Variants in RIC8B observed in about 807,000 individuals in gnomAD.
RIC8B encodes RIC8 guanine nucleotide exchange factor B, also known as chaperone Ric-8B.
A neutral mutation model predicts 57.5 loss-of-function variants in RIC8B; 16 were observed. The ratio of observed to expected loss-of-function variants is 0.28; its 90% CI spans 0.19 to 0.42. RIC8B has a LOEUF of 0.42. Ranked by LOEUF, RIC8B falls within the 10% of genes least tolerant of loss-of-function variation. RIC8B has a pLI of 1.00. For missense variants in RIC8B, 481 were observed against 677.0 expected, an observed-to-expected ratio of 0.71 and a Z score of 3.21; for synonymous variants, 216 against 250.8, an observed-to-expected ratio of 0.86 and a Z score of 1.31.
In RIC8B at chr12:106,781,104, A is replaced by G. The variant is rs564769334; in HGVS notation, c.85-2893A>G. On this transcript the variant is annotated intron_variant, in intron 1 of 9. Coordinates refer to ENST00000392837, the MANE Select transcript of RIC8B (RefSeq NM_001330145.2). ...TGAGCTGTTAGCTTGCTTGATCTCT[A>G]AATTGAACAATGGTTTAACTCTTTT... Among the ~76,000 whole-genome samples, 5 of 152,192 alleles carry G rather than the reference A, an allele frequency of 3.3e-5. No individual in the cohort carries two copies. The East Asian group carries it at 9.7e-4, about 29-fold the overall frequency.
rs1018970818 is a variant in RIC8B at position 106,774,701 on chromosome 12, G to C, written c.-45G>C. 5.4e-6 allele frequency: 8 copies of C among 1,491,412 alleles called. No homozygotes were observed. Among genetic ancestry groups the C allele is most frequent in the Non-Finnish European group, 7.3e-6 (8 of 1,102,930 alleles). The allele number at this position is 1,491,412 out of a possible 1,614,324, so 92.4% of individuals were successfully genotyped here. ...CGCGAGGCGTTTACCTGGAGGCAGC[G>C]GCTTGGGCGCGCAGAGCGGCCGCGG... On this transcript the variant is annotated 5_prime_UTR_variant, in exon 1 of 10. Transcript: ENST00000392837.
intron 3 of RIC8B, among the ~76,000 whole-genome samples, chr12:106,816,261 A>C (rs2045571365): frequency 6.6e-6 from 1 of 152,228 alleles, no homozygotes. Context: ...CTCACCCATG[A>C]GTAAAGATCT....
At chr12:106,806,874 A>C (rs983056690) in intron 2 of RIC8B, among the ~76,000 whole-genome samples, 2 of 152,212 alleles carry the variant, frequency 1.3e-5, no homozygotes, top group African/African-American at 4.8e-5. Context: ...TATAGAAAGC[A>C]TAGATAACCC....
At chr12:106,872,181 A>G (rs1312644700) in intron 9 of RIC8B, among the ~76,000 whole-genome samples, 1 of 152,200 alleles carries the variant, frequency 6.6e-6, no homozygotes. Flanking sequence ...CATTCTCCAT[A>G]CCTTTGTATA....
intron 2 of RIC8B, among the ~76,000 whole-genome samples, chr12:106,808,819 A>G (rs1304538819): frequency 6.6e-6 from 1 of 152,208 alleles, no homozygotes; most frequent in Non-Finnish European, 1.5e-5. Flanking sequence ...CATTTTCTTT[A>G]TGTATAAAAT....
At position 106,798,177 on chromosome 12, in the gene RIC8B, T is replaced by A. The variant is rs556906608; in HGVS notation, c.132+14133T>A. On this transcript the variant is annotated intron_variant, in intron 2 of 9. Transcript: ENST00000392837. ...TTTGATGCCTCGGATTCATTTTTTG[T>A]TGTCAAAAATGTAAGGTTTCCTTTT... is the stretch of plus-strand genomic sequence containing the variant. 7.5e-6 allele frequency: 4 copies of A among 533,320 alleles called. No homozygotes were observed. In the African/African-American group the frequency reaches 7.9e-5, roughly 11 times the overall value. 33.0% of individuals were successfully genotyped at this position (533,320 alleles called of 1,614,324 possible).
In RIC8B at chr12:106,879,053, C is replaced by G. The variant is rs1950802729; in HGVS notation, c.1572-6851C>G. 2.0e-6 allele frequency: 2 copies of G among 985,494 alleles called. No homozygotes were observed. Among genetic ancestry groups the G allele is most frequent in the Non-Finnish European group, 2.4e-6 (2 of 829,888 alleles). 61.0% of individuals were successfully genotyped at this position (985,494 alleles called of 1,614,324 possible). A position where few individuals can be genotyped will look rare whatever the true frequency, so the allele number is the denominator to read the frequency against. The stretch of plus-strand genomic sequence containing the variant: ...CACAGAGCAGACAAGAAAGAAGAGC[C>G]CTTGAAAACAAGGGAATGATTTTTG... On this transcript the variant is annotated intron_variant, in intron 9 of 9. Transcript: ENST00000392837. The surrounding 1 kb of genome is among the most constrained non-coding windows in gnomAD (Gnocchi z 4.9).
chr12:106,778,230 C>T (rs933436495), intron 1 of RIC8B, among the ~76,000 whole-genome samples: 2 of 152,138 alleles, frequency 1.3e-5, no homozygotes, highest in African/African-American at 2.4e-5. Flanking sequence ...TACCTTGTAC[C>T]GCTTTTAGAG....
In RIC8B at chr12:106,886,242, G is replaced by GA. The variant is rs975429086; in HGVS notation, c.*235dup. 19 of 436,652 alleles carry GA rather than the reference G, an allele frequency of 4.4e-5. No homozygotes were observed. Among genetic ancestry groups the GA allele is most frequent in the African/African-American group, 8.1e-5 (4 of 49,284 alleles). The allele number at this position is 436,652 out of a possible 1,614,324, so 27.0% of individuals were successfully genotyped here. ...GACGGGGTTACGGGGGCTAAAAGCA[G>GA]AAAAAAAATTCCATTTCATCGGGAT... On this transcript the variant is annotated 3_prime_UTR_variant, in exon 10 of 10. Transcript: ENST00000392837.
intron 2 of RIC8B, among the ~76,000 whole-genome samples, chr12:106,784,552 G>T (rs550035441): frequency 6.6e-6 from 1 of 152,058 alleles, no homozygotes. Flanking sequence ...TAGAGACAGG[G>T]TCTCATCATG....
intron 6 of RIC8B, among the ~76,000 whole-genome samples, chr12:106,847,256 C>A (rs1178967641): frequency 6.6e-6 from 1 of 152,138 alleles, no homozygotes; most frequent in Non-Finnish European, 1.5e-5. Context: ...GGGGGAAATA[C>A]ATAGGCAGTT....
At chr12:106,848,903 T>C (rs1274894163) in intron 6 of RIC8B, among the ~76,000 whole-genome samples, 1 of 152,112 alleles carries the variant, frequency 6.6e-6, no homozygotes, top group Non-Finnish European at 1.5e-5. Flanking sequence ...TGTAAAATTA[T>C]TAAGTTCAAG....
intron 4 of RIC8B, among the ~76,000 whole-genome samples, chr12:106,837,648 T>TC (rs917857740): frequency 6.7e-6 from 1 of 148,498 alleles, no homozygotes; most frequent in Non-Finnish European, 1.5e-5. Context: ...TGTTTTTTTT[T>TC]TTTTTTTTTT....
intron 6 of RIC8B, among the ~76,000 whole-genome samples, chr12:106,847,340 A>G (rs766649959): frequency 4.6e-4 from 70 of 152,232 alleles, no homozygotes; most frequent in Admixed American, 1.8e-3. Flanking sequence ...TGTAGCTAAC[A>G]AAATTTTTAC....
intron 8 of RIC8B, among the ~76,000 whole-genome samples, chr12:106,862,714 C>T (rs1463361569): frequency 6.6e-6 from 1 of 152,044 alleles, no homozygotes; most frequent in Non-Finnish European, 1.5e-5. Flanking sequence ...GGCTCTAGTC[C>T]CATTGTCAAA....
At chr12:106,807,144 G>GT (rs1285918465) in intron 2 of RIC8B, among the ~76,000 whole-genome samples, 1 of 152,144 alleles carries the variant, frequency 6.6e-6, no homozygotes, top group East Asian at 1.9e-4. Flanking sequence ...TACCACTCTA[G>GT]TTGAAACTAT....
At chr12:106,872,726 A>G (rs558443406) in intron 9 of RIC8B, among the ~76,000 whole-genome samples, 5 of 152,102 alleles carry the variant, frequency 3.3e-5, no homozygotes, top group African/African-American at 4.8e-5. Flanking sequence ...CTGGAGAGGA[A>G]AGGTTAGCAA....
intron 3 of RIC8B, among the ~76,000 whole-genome samples, chr12:106,820,325 C>T (rs945571181): frequency 3.9e-5 from 6 of 152,172 alleles, no homozygotes; most frequent in Non-Finnish European, 7.3e-5. Flanking sequence ...AGTTTGCTTT[C>T]CATTCAGTGG....
In RIC8B at chr12:106,879,965, G is replaced by C; in HGVS notation, c.1572-5939G>C. The C allele has an allele frequency of 2.0e-6, 2 of 984,946 alleles. No individual in the cohort carries two copies. The highest frequency in any genetic ancestry group is 2.4e-6 in the Non-Finnish European group (2 of 829,560). The allele number at this position is 984,946 out of a possible 1,614,324, so 61.0% of individuals were successfully genotyped here. On this transcript the variant is annotated intron_variant, in intron 9 of 9. Transcript: ENST00000392837. The surrounding 1 kb of genome is among the most constrained non-coding windows in gnomAD (Gnocchi z 4.9). ...CATTGAAGGTAAGTATGAAGGAGTTGTTGCTATGTGAATATCTTAATCCTG... is the reference window on the plus strand; with the variant it reads ...CATTGAAGGTAAGTATGAAGGAGTTCTTGCTATGTGAATATCTTAATCCTG...
Sources: gnomAD v4.1 joint callset for allele counts (sites outside exome capture counted in the v4.1 genomes callset) on GRCh38, gnomAD v4.1.1 for gene constraint, Gnocchi (gnomAD v3.1) non-coding constraint, MANE v1.5 for transcripts, NCBI Gene and HGNC (gene_info 2026-07-23, HGNC 2026-07-21) for gene names.